The following NLGN1 variants were observed in gnomAD, a reference collection of about 807,000 sequenced individuals.
NLGN1 encodes the protein neuroligin-1.
A neutral mutation model predicts 65.5 loss-of-function variants in NLGN1; 12 were observed. That is an observed-to-expected ratio of 0.18 (90% confidence interval 0.12 to 0.30). The LOEUF (loss-of-function observed/expected upper bound fraction) is 0.30, where lower values mean the gene tolerates loss of function less well. NLGN1 is among the 10% of genes least tolerant of loss of function. NLGN1 has a pLI of 1.00. For synonymous variants in NLGN1, 350 were observed against 359.5 expected, an observed-to-expected ratio of 0.97 and a Z score of 0.30; for missense variants, 750 against 1,007.1, an observed-to-expected ratio of 0.74 and a Z score of 3.46.
At chr3:173,885,243 AT>A (rs1350926815) in intron 4 of NLGN1, among the ~76,000 whole-genome samples, 1 of 152,108 alleles carries the variant, frequency 6.6e-6, no homozygotes, top group Non-Finnish European at 1.5e-5. Context: ...TATTTAACGC[AT>A]TTTTATAATC....
chr3:173,719,010 C>G (rs1342347508), intron 3 of NLGN1, among the ~76,000 whole-genome samples: 2 of 152,082 alleles, frequency 1.3e-5, no homozygotes, highest in Non-Finnish European at 1.5e-5. Context: ...TTTCCTTGCC[C>G]CCAAAGTAAA....
At chr3:174,079,582 T>C (rs1438505697) in intron 4 of NLGN1, among the ~76,000 whole-genome samples, 1 of 152,092 alleles carries the variant, frequency 6.6e-6, no homozygotes, top group African/African-American at 2.4e-5. Context: ...TATAAAGACA[T>C]GCATATGTTC....
rs537352495 is a variant in NLGN1, at chr3:174,216,099, A to G, written c.647-59216A>G. On this transcript the variant is annotated intron_variant, in intron 4 of 6. Coordinates refer to ENST00000457714, the Ensembl canonical transcript of NLGN1. ...TTTACTGGATTTCCAATCCACTTTC[A>G]ATTGCATTACTGTGTTCTTTAATAA... Among the ~76,000 whole-genome samples the G allele has an allele frequency of 7.9e-5, 12 of 152,110 alleles. No homozygotes were observed. In the East Asian group the frequency reaches 2.1e-3, roughly 27 times the overall value.
At chr3:173,603,218 T>A (rs1750829789) in intron 2 of NLGN1, among the ~76,000 whole-genome samples, 1 of 152,116 alleles carries the variant, frequency 6.6e-6, no homozygotes, top group Admixed American at 6.6e-5. Context: ...CTTCAAAAGG[T>A]TGCTTGAACA....
intron 3 of NLGN1, among the ~76,000 whole-genome samples, chr3:173,715,039 G>A (rs1262774760): frequency 3.9e-5 from 6 of 152,060 alleles, no homozygotes; most frequent in Admixed American, 1.3e-4. Flanking sequence ...TTGGAGGTAC[G>A]TACTGAAATT....
At position 173,539,714 on chromosome 3, in the gene NLGN1, AT is replaced by A. The variant is rs1166625078; in HGVS notation, c.-320-64564del. Among the ~76,000 whole-genome samples the A allele has an allele frequency of 3.0e-3, 380 of 128,760 alleles. 6 individuals carry two copies. Among genetic ancestry groups the A allele is most frequent in the African/African-American group, 0.011 (345 of 32,192 alleles). 84.5% of individuals were successfully genotyped at this position (128,760 alleles called of 152,430 possible). A position where few individuals can be genotyped will look rare whatever the true frequency, so the allele number is the denominator to read the frequency against. ...TGTACATATGCACATATATACATAT[AT>A]GTACATATGCACATATATACATATA... On this transcript the variant is annotated intron_variant, in intron 2 of 6. Coordinates refer to ENST00000457714, the Ensembl canonical transcript of NLGN1.
chr3:174,016,185 T>A (rs1726514440), intron 4 of NLGN1, among the ~76,000 whole-genome samples: 1 of 152,188 alleles, frequency 6.6e-6, no homozygotes, highest in African/African-American at 2.4e-5. Flanking sequence ...AAACTGTGCC[T>A]AATCTAAGAT....
chr3:174,096,116 A>G (rs1745477554), intron 4 of NLGN1, among the ~76,000 whole-genome samples: 1 of 151,734 alleles, frequency 6.6e-6, no homozygotes, highest in East Asian at 1.9e-4. Flanking sequence ...AGCTTTTGAT[A>G]TAACATTTTT....
chr3:174,195,663 G>C (rs1026095000), intron 4 of NLGN1, among the ~76,000 whole-genome samples: 1 of 152,114 alleles, frequency 6.6e-6, no homozygotes, highest in Non-Finnish European at 1.5e-5. Flanking sequence ...ATTCTTGCCT[G>C]ACTTGCAATA....
At chr3:174,221,768 C>G (rs1738705840) in intron 4 of NLGN1, among the ~76,000 whole-genome samples, 1 of 151,974 alleles carries the variant, frequency 6.6e-6, no homozygotes, top group South Asian at 2.1e-4. Context: ...AGGAAAGAAT[C>G]CTTTCTTGCT....
At chr3:174,175,172 A>G (rs1239066721) in intron 4 of NLGN1, among the ~76,000 whole-genome samples, 1 of 151,942 alleles carries the variant, frequency 6.6e-6, no homozygotes, top group Non-Finnish European at 1.5e-5. Context: ...AGTACAGATT[A>G]AATCTGATGT....
At chr3:173,511,054 A>G (rs1463927077) in intron 2 of NLGN1, among the ~76,000 whole-genome samples, 1 of 152,218 alleles carries the variant, frequency 6.6e-6, no homozygotes, top group Non-Finnish European at 1.5e-5. Context: ...AGATAATATC[A>G]GTAATTTTAT....
At chr3:174,003,819 C>T (rs964275596) in intron 4 of NLGN1, among the ~76,000 whole-genome samples, 4 of 151,796 alleles carry the variant, frequency 2.6e-5, no homozygotes, top group Middle Eastern at 3.2e-3. Context: ...TTGAATGTAT[C>T]GAAATAATAA....
At chr3:174,276,334 A>G (rs976394903) in intron 5 of NLGN1, among the ~76,000 whole-genome samples, 6 of 152,014 alleles carry the variant, frequency 3.9e-5, no homozygotes, top group Admixed American at 3.3e-4. Flanking sequence ...ACCCATTCCA[A>G]CTGCATTATT....
At chr3:173,674,072 G>C (rs1405989318) in intron 3 of NLGN1, among the ~76,000 whole-genome samples, 1 of 152,092 alleles carries the variant, frequency 6.6e-6, no homozygotes, top group African/African-American at 2.4e-5. Context: ...TCGGCCGTAT[G>C]TTCCCTGCCT....
At chr3:173,827,968 T>C (rs1323841439) in intron 4 of NLGN1, among the ~76,000 whole-genome samples, 1 of 152,060 alleles carries the variant, frequency 6.6e-6, no homozygotes, top group Admixed American at 6.6e-5. Context: ...AATGCTCATC[T>C]CTTCCAAAAA....
intron 4 of NLGN1, among the ~76,000 whole-genome samples, chr3:174,107,011 CACACACAGAGAGAGAGAGAG>C (rs1402785466): frequency 8.7e-6 from 1 of 115,118 alleles, no homozygotes; most frequent in African/African-American, 4.1e-5. Context: ...CACACACACA[CACACACAGAGAGAGAGAGAG>C]AGAGAGAGAG....
chr3:173,503,277 A>G (rs1731456918), intron 2 of NLGN1, among the ~76,000 whole-genome samples: 1 of 152,096 alleles, frequency 6.6e-6, no homozygotes. Context: ...CAAACCTTCT[A>G]GCAAATATAT....
intron 4 of NLGN1, among the ~76,000 whole-genome samples, chr3:174,061,386 G>A (rs1457911806): frequency 5.3e-5 from 8 of 152,068 alleles, no homozygotes; most frequent in African/African-American, 1.9e-4. Context: ...CAGAGTACAA[G>A]GAAAGTCATT....
Sources: allele counts gnomAD v4.1 joint callset (sites outside exome capture counted in the v4.1 genomes callset), GRCh38; gene constraint gnomAD v4.1.1; transcripts MANE v1.5; gene names NCBI Gene and HGNC (gene_info 2026-07-23, HGNC 2026-07-21).